The following ADAMTS9 variants were observed in gnomAD, a reference collection of about 807,000 sequenced individuals.
ADAMTS9 encodes the protein A disintegrin and metalloproteinase with thrombospondin motifs 9.
A neutral mutation model predicts 257.1 loss-of-function variants in ADAMTS9; 107 were observed. The observed-to-expected ratio is 0.42, with a 90% confidence interval of 0.36 to 0.49. The LOEUF is 0.49. Ranked by LOEUF, ADAMTS9 falls within the 20% of genes least tolerant of loss-of-function variation. The probability of loss-of-function intolerance (pLI) is 0.03; values close to 1 mark genes in which losing one functional copy is unlikely to be tolerated. For missense variants in ADAMTS9, 2,353 were observed against 2,469.1 expected (o/e 0.95, Z 1.00); for synonymous variants, 982 against 880.9 (o/e 1.11, Z -2.03).
Position 64,594,820 on chromosome 3 carries a change from T to C in ADAMTS9, c.4180-386A>G, listed in dbSNP as rs568380161. On this transcript the variant is annotated intron_variant, in intron 27 of 39. Coordinates refer to ENST00000498707, the MANE Select transcript of ADAMTS9 (RefSeq NM_182920.2). Reference sequence around the variant, plus strand: ...CTTTTTTTTTGAGACGGAGTCTTGCTCTGTCATCCAGGCTGGAATGCAGTG... The same window carrying C: ...CTTTTTTTTTGAGACGGAGTCTTGCCCTGTCATCCAGGCTGGAATGCAGTG... Among the ~76,000 whole-genome samples, 7 of 152,258 alleles carry C rather than the reference T, an allele frequency of 4.6e-5. No homozygotes were observed. The South Asian group carries it at 1.2e-3, about 27-fold the overall frequency.
chr3:64,618,247 G>A (rs1478588978), intron 19 of ADAMTS9, among the ~76,000 whole-genome samples: 3 of 152,070 alleles, frequency 2.0e-5, no homozygotes, highest in African/African-American at 7.2e-5. Flanking sequence ...AAAAGACCTG[G>A]ACATAATCCC....
chr3:64,674,366 A>T (rs1701574671), intron 3 of ADAMTS9, among the ~76,000 whole-genome samples: 1 of 152,196 alleles, frequency 6.6e-6, no homozygotes, highest in Admixed American at 6.5e-5. Flanking sequence ...GCAATAACTA[A>T]CTTTAAAAAT....
intron 16 of ADAMTS9, among the ~76,000 whole-genome samples, chr3:64,625,902 C>T (rs1465897542): frequency 1.3e-5 from 2 of 152,156 alleles, no homozygotes; most frequent in Non-Finnish European, 2.9e-5. Context: ...ACCAATAAAC[C>T]TAAATTTCAA....
chr3:64,610,941 T>G (rs2084654212), intron 22 of ADAMTS9, among the ~76,000 whole-genome samples: 2 of 151,906 alleles, frequency 1.3e-5, no homozygotes, highest in Admixed American at 1.3e-4. Context: ...CTGGGCATGG[T>G]GGCACGCACC....
chr3:64,523,183 G>A (rs943753573), intron 38 of ADAMTS9, among the ~76,000 whole-genome samples: 4 of 152,102 alleles, frequency 2.6e-5, no homozygotes. Flanking sequence ...CTACTCTTTT[G>A]GCAAGGACTA....
At chr3:64,595,920 T>C (rs1452323120) in intron 27 of ADAMTS9, among the ~76,000 whole-genome samples, 1 of 152,184 alleles carries the variant, frequency 6.6e-6, no homozygotes, top group African/African-American at 2.4e-5. Flanking sequence ...GATTCAAGAA[T>C]AGAGAGATAT....
chr3:64,560,694 G>A (rs2083405359), intron 30 of ADAMTS9, among the ~76,000 whole-genome samples: 1 of 152,148 alleles, frequency 6.6e-6, no homozygotes, highest in African/African-American at 2.4e-5. Context: ...AAAGTACCCA[G>A]CACAGTGCCA....
At chr3:64,617,317 A>C (rs1326402880) in intron 19 of ADAMTS9, among the ~76,000 whole-genome samples, 1 of 152,148 alleles carries the variant, frequency 6.6e-6, no homozygotes, top group Non-Finnish European at 1.5e-5. Flanking sequence ...CTGGATGAAG[A>C]AGGAAGGTGT....
intron 2 of ADAMTS9, among the ~76,000 whole-genome samples, chr3:64,682,239 T>C (rs1183081092): frequency 1.3e-5 from 2 of 152,198 alleles, no homozygotes; most frequent in Non-Finnish European, 2.9e-5. Context: ...ATAAAGATAC[T>C]TAATGTAAAG....
intron 23 of ADAMTS9, among the ~76,000 whole-genome samples, chr3:64,605,700 G>C (rs2084545128): frequency 2.0e-5 from 3 of 152,050 alleles, no homozygotes; most frequent in Admixed American, 2.0e-4. Flanking sequence ...ATATAGAATA[G>C]TATGCTGGTG....
chr3:64,616,083 C>T lies in ADAMTS9; in HGVS notation c.2901G>A (p.Arg967=). 6.2e-7 allele frequency: 1 copy of T among 1,614,112 alleles called. No individual in the cohort carries two copies. Among genetic ancestry groups the T allele is most frequent in the African/African-American group, 1.3e-5 (1 of 75,040 alleles). ...TLDIYCAKYS[R]LDGKTEKVDD... is the part of the protein sequence containing the mutation. Reference sequence around the variant, plus strand: ...CAACCTTCTCAGTCTTCCCATCCAGCCTGCTATATTTGGCACAGTAGATGT... The same window carrying T: ...CAACCTTCTCAGTCTTCCCATCCAGTCTGCTATATTTGGCACAGTAGATGT... Residue 967 remains arginine (R), a synonymous_variant, in exon 20 of 40, where the codon AGG becomes AGA. Coordinates refer to ENST00000498707, the MANE Select transcript of ADAMTS9 (RefSeq NM_182920.2).
chr3:64,553,939 G>A (rs192404401), intron 30 of ADAMTS9, among the ~76,000 whole-genome samples: 6 of 152,062 alleles, frequency 3.9e-5, no homozygotes, highest in African/African-American at 9.6e-5. Context: ...GAGGGCCACC[G>A]AATGTTAAAA....
chr3:64,606,430 C>CA (rs1331451118), intron 23 of ADAMTS9, among the ~76,000 whole-genome samples: 2 of 152,166 alleles, frequency 1.3e-5, no homozygotes, highest in African/African-American at 4.8e-5. Context: ...ATAGTACATC[C>CA]ACCATACAGA....
intron 33 of ADAMTS9, 107 bp downstream of exon 33, chr3:64,541,731 T>C (rs370427506): frequency 3.2e-6 from 5 of 1,569,354 alleles, no homozygotes; most frequent in East Asian, 2.2e-5. Flanking sequence ...AAGCGAATGA[T>C]TTCCTTCAGA....
intron 28 of ADAMTS9, among the ~76,000 whole-genome samples, chr3:64,586,294 A>C (rs2084151580): frequency 6.6e-6 from 1 of 152,158 alleles, no homozygotes; most frequent in Non-Finnish European, 1.5e-5. Flanking sequence ...ATAAAAAAAA[A>C]ATCAAAGTCC....
intron 3 of ADAMTS9, among the ~76,000 whole-genome samples, chr3:64,679,493 T>G (rs2107042878): frequency 6.6e-6 from 1 of 152,334 alleles, no homozygotes; most frequent in African/African-American, 2.4e-5. Context: ...AGCAAGGTGG[T>G]ACATGTACAG....
chr3:64,535,552 C>CTTTTTTTTTTTTT, intron 37 of ADAMTS9, among the ~76,000 whole-genome samples: 1 of 84,662 alleles, frequency 1.2e-5, no homozygotes, highest in Non-Finnish European at 2.6e-5. Flanking sequence ...CTTTTCTTTT[C>CTTTTTTTTTTTTT]TTTTTTTTTT....
At chr3:64,629,600 C>T (rs754513455) in intron 16 of ADAMTS9, among the ~76,000 whole-genome samples, 22 of 152,220 alleles carry the variant, frequency 1.4e-4, no homozygotes, top group Non-Finnish European at 2.4e-4. Flanking sequence ...CCCGATTTGC[C>T]TTAGGCTGCT....
chr3:64,567,005 T>A (rs988694683), intron 29 of ADAMTS9, among the ~76,000 whole-genome samples: 6 of 152,190 alleles, frequency 3.9e-5, no homozygotes, highest in Non-Finnish European at 1.5e-5. Flanking sequence ...GTATAGATTT[T>A]TTTTTTATTG....
Sources: allele counts gnomAD v4.1 joint callset (sites outside exome capture counted in the v4.1 genomes callset), GRCh38; gene constraint gnomAD v4.1.1; transcripts MANE v1.5; gene names NCBI Gene and HGNC (gene_info 2026-07-23, HGNC 2026-07-21).